CNTNAP3: variants seen among roughly 807,000 people sequenced by gnomAD.
CNTNAP3 encodes contactin associated protein family member 3.
CNTNAP3 carries 36 observed loss-of-function variants against 92.1 expected under a neutral mutation model. That is an observed-to-expected ratio of 0.39 (90% CI 0.30 to 0.52). CNTNAP3 has a LOEUF of 0.52. Among genes scored for constraint, CNTNAP3 ranks in the 20% least tolerant of loss-of-function variants. CNTNAP3 has a pLI of 0.76. For synonymous variants in CNTNAP3, 232 were observed against 422.3 expected, an observed-to-expected ratio of 0.55 and a Z score of 5.53; for missense variants, 534 against 1,069.6, an observed-to-expected ratio of 0.50 and a Z score of 6.98.
chr9:39,132,330 T>A (rs1821312837), intron 13 of CNTNAP3, among the ~76,000 whole-genome samples: 1 of 152,164 alleles, frequency 6.6e-6, no homozygotes, highest in Non-Finnish European at 1.5e-5. Context: ...ATGGTTTTGA[T>A]GCAGGCAGAG....
intron 18 of CNTNAP3, among the ~76,000 whole-genome samples, chr9:39,090,338 CT>C: frequency 6.6e-6 from 1 of 152,280 alleles, no homozygotes; most frequent in South Asian, 2.1e-4. Flanking sequence ...GTTATCTTCT[CT>C]TTTGTTCTCC....
At position 39,159,726 on chromosome 9, in the gene CNTNAP3, T is replaced by G. The variant is rs1221045191; in HGVS notation, c.1477+6207A>C. ...AGGGTGTGTTTGAGGAAAGCTTTTT[T>G]TTTTTTTGGCCATTGTCCAAGGGTT... On this transcript the variant is annotated intron_variant, in intron 9 of 23. Coordinates refer to ENST00000297668, the MANE Select transcript of CNTNAP3 (RefSeq NM_033655.5). 1.4e-5 allele frequency: 2 copies of G among 139,786 alleles called. 1 individual carries two copies. The highest frequency in any genetic ancestry group is 4.3e-4 in the East Asian group (2 of 4,670). The allele number at this position is 139,786 out of a possible 1,614,324, so 8.7% of individuals were successfully genotyped here. A position where few individuals can be genotyped will look rare whatever the true frequency, so the allele number is the denominator to read the frequency against.
chr9:39,090,897 T>TAA (rs1826181301), intron 18 of CNTNAP3, among the ~76,000 whole-genome samples: 4 of 142,626 alleles, frequency 2.8e-5, no homozygotes, highest in Non-Finnish European at 6.3e-5. Context: ...TGTTTTCCAT[T>TAA]TCTTTTGTTA....
chr9:39,132,586 T>A (rs1002906013), intron 13 of CNTNAP3, among the ~76,000 whole-genome samples: 2 of 152,166 alleles, frequency 1.3e-5, no homozygotes, highest in African/African-American at 4.8e-5. Flanking sequence ...CGGTTCCCAC[T>A]GGTCTTCATG....
chr9:39,142,671 CAAAA>C (rs560924846), intron 11 of CNTNAP3, among the ~76,000 whole-genome samples: 4 of 102,676 alleles, frequency 3.9e-5, no homozygotes, highest in Non-Finnish European at 2.0e-5. Flanking sequence ...GACTCCGTCT[CAAAA>C]AAAAAAAAAA....
At chr9:39,141,538 G>A (rs1243657389) in intron 11 of CNTNAP3, among the ~76,000 whole-genome samples, 2 of 152,116 alleles carry the variant, frequency 1.3e-5, no homozygotes, top group African/African-American at 2.4e-5. Context: ...CCTATATAAT[G>A]TAAATTTACT....
intron 15 of CNTNAP3, among the ~76,000 whole-genome samples, chr9:39,108,500 T>G (rs1388465504): frequency 6.6e-6 from 1 of 152,142 alleles, no homozygotes; most frequent in African/African-American, 2.4e-5. Context: ...GAAATAAAAA[T>G]ACATTTAGTC....
At position 39,275,447 on chromosome 9, in the gene CNTNAP3, AACTCCAAG is replaced by A. The variant is rs1183029121; in HGVS notation, c.86-8449_86-8442del. Reference sequence around the variant, plus strand: ...CACAAAGATACTCCTCGAGAAGACCAACTCCAAGACACATAATTGTCAGATTCCCCAAA... The same window carrying A: ...CACAAAGATACTCCTCGAGAAGACCAACACATAATTGTCAGATTCCCCAAA... On this transcript the variant is annotated intron_variant, in intron 1 of 23. Coordinates refer to ENST00000297668, the MANE Select transcript of CNTNAP3 (RefSeq NM_033655.5). 2.4e-4 allele frequency among the ~76,000 whole-genome samples: 6 copies of A among 25,118 alleles called. 2 individuals carry two copies. The highest frequency in any genetic ancestry group is 4.8e-4 in the African/African-American group (6 of 12,526). The allele number at this position is 25,118 out of a possible 152,430, so 16.5% of individuals were successfully genotyped here.
chr9:39,122,676 A>G (rs943221965), intron 13 of CNTNAP3, among the ~76,000 whole-genome samples: 1 of 152,234 alleles, frequency 6.6e-6, no homozygotes, highest in African/African-American at 2.4e-5. Context: ...TCCTTTGCCA[A>G]TACAACATGT....
At chr9:39,077,742 T>C (rs1253921023) in intron 23 of CNTNAP3, among the ~76,000 whole-genome samples, 2 of 152,238 alleles carry the variant, frequency 1.3e-5, no homozygotes, top group Non-Finnish European at 2.9e-5. Flanking sequence ...CGTCCAACAG[T>C]TGTCATTACC....
In CNTNAP3 at chr9:39,140,513, A is replaced by G. The variant is rs952838815; in HGVS notation, c.1876+6T>C. On this transcript the variant is annotated splice_donor_region_variant and intron_variant, in intron 12 of 23. Transcript: ENST00000297668. ...TGATATATGCATATAACGATTATCA[A>G]CATACCTGTCATATTGCAGTACACA... 6.2e-7 allele frequency: 1 copy of G among 1,613,346 alleles called. No homozygotes were observed. The highest frequency in any genetic ancestry group is 1.3e-5 in the African/African-American group (1 of 74,910).
At position 39,143,338 on chromosome 9, in the gene CNTNAP3, A is replaced by G. The variant is rs147594667; in HGVS notation, c.1756+902T>C. ...CGGGGCCCCATCTCCAGCGATTCTG[A>G]TTTAGTAAGTTTGGGTAAGGCCTGA... On this transcript the variant is annotated intron_variant, in intron 11 of 23. Coordinates refer to ENST00000297668, the MANE Select transcript of CNTNAP3 (RefSeq NM_033655.5). Among the ~76,000 whole-genome samples, 585 of 152,202 alleles carry G rather than the reference A, an allele frequency of 3.8e-3. 2 individuals carry two copies. The highest frequency in any genetic ancestry group is 0.014 in the Middle Eastern group (4 of 294).
At chr9:39,110,933 C>T (rs1433321602) in intron 14 of CNTNAP3, among the ~76,000 whole-genome samples, 1 of 151,882 alleles carries the variant, frequency 6.6e-6, no homozygotes, top group Non-Finnish European at 1.5e-5. Context: ...TTTTAAATTG[C>T]CCAGTTCTCA....
At chr9:39,115,193 C>A (rs2117945717) in intron 14 of CNTNAP3, among the ~76,000 whole-genome samples, 1 of 151,092 alleles carries the variant, frequency 6.6e-6, no homozygotes, top group Middle Eastern at 3.4e-3. Context: ...ATACTGCCTG[C>A]CCCATTAACG....
At chr9:39,118,304 C>T (rs1820911173) in intron 13 of CNTNAP3, 45 bp from the exon 14 acceptor site, 1 of 1,611,650 alleles carries the variant, frequency 6.2e-7, no homozygotes, top group Admixed American at 1.7e-5. Flanking sequence ...TTGTCCCTCA[C>T]TACCACCCTC....
chr9:39,085,204 G>A (rs138135707), intron 21 of CNTNAP3: 22,490 of 122,926 alleles, frequency 0.18, 5,225 homozygotes, highest in African/African-American at 0.47. Context: ...TCTACCTTGC[G>A]TAACAGATAT....
intron 12 of CNTNAP3, among the ~76,000 whole-genome samples, chr9:39,135,919 G>A (rs1821418983): frequency 6.6e-6 from 1 of 151,674 alleles, no homozygotes; most frequent in Admixed American, 6.6e-5. Context: ...TACGAGGTCA[G>A]GAGATCGAGA....
intron 14 of CNTNAP3, among the ~76,000 whole-genome samples, chr9:39,109,766 C>T (rs1233654293): frequency 6.6e-6 from 1 of 152,056 alleles, no homozygotes; most frequent in Admixed American, 6.6e-5. Context: ...AACTCCTGAC[C>T]CGTTTGCCAA....
At chr9:39,126,224 TTAAAAACACATTTC>T (rs1177534180) in intron 13 of CNTNAP3, among the ~76,000 whole-genome samples, 1 of 151,956 alleles carries the variant, frequency 6.6e-6, no homozygotes, top group Non-Finnish European at 1.5e-5. Flanking sequence ...ACCAAAAAAT[TTAAAAACACATTTC>T]TAAATAATAA....
Sources: gnomAD v4.1 joint callset for allele counts (sites outside exome capture counted in the v4.1 genomes callset) on GRCh38, gnomAD v4.1.1 for gene constraint, MANE v1.5 for transcripts, NCBI Gene and HGNC (gene_info 2026-07-23, HGNC 2026-07-21) for gene names.